The following WDPCP variants were observed in gnomAD, a reference collection of about 807,000 sequenced individuals.
WDPCP encodes the protein WD repeat containing planar cell polarity effector, also known as WD repeat-containing and planar cell polarity effector protein fritz homolog.
A neutral mutation model predicts 93.1 loss-of-function variants in WDPCP; 71 were observed. The observed-to-expected ratio is 0.76, with a 90% confidence interval of 0.63 to 0.93. WDPCP has a LOEUF of 0.93. WDPCP is among the 40% of genes least tolerant of loss of function. The pLI, the probability that WDPCP is intolerant of heterozygous loss-of-function variation, is 0.00. For synonymous variants in WDPCP, 315 were observed against 315.0 expected, an observed-to-expected ratio of 1.00 and a Z score of 0.00; for missense variants, 844 against 887.4, an observed-to-expected ratio of 0.95 and a Z score of 0.62.
At chr2:63,516,652 T>C (rs1001703860) in intron 1 of WDPCP, among the ~76,000 whole-genome samples, 25 of 150,456 alleles carry the variant, frequency 1.7e-4, no homozygotes, top group African/African-American at 5.9e-4. Context: ...TGGATGGAAA[T>C]CCACCAGCTC....
intron 14 of WDPCP, among the ~76,000 whole-genome samples, chr2:63,186,778 T>C (rs1674667599): frequency 6.6e-6 from 1 of 151,804 alleles, no homozygotes; most frequent in African/African-American, 2.4e-5. Flanking sequence ...AAAAGAGCAC[T>C]ATATGACTGT....
intron 1 of WDPCP, among the ~76,000 whole-genome samples, chr2:63,569,793 G>C (rs1401495900): frequency 1.3e-5 from 2 of 152,012 alleles, no homozygotes; most frequent in Non-Finnish European, 2.9e-5. Flanking sequence ...TGGTAGATGG[G>C]GCTAGCAAGC....
chr2:63,480,342 C>T (rs1339068717), intron 6 of WDPCP, among the ~76,000 whole-genome samples: 1 of 151,828 alleles, frequency 6.6e-6, no homozygotes, highest in Non-Finnish European at 1.5e-5. Flanking sequence ...ATGTAATTCC[C>T]ATCAAATACC....
chr2:63,431,207 A>T (rs1284847053), intron 9 of WDPCP, among the ~76,000 whole-genome samples: 3 of 152,018 alleles, frequency 2.0e-5, no homozygotes, highest in Non-Finnish European at 4.4e-5. Flanking sequence ...TTGGATGCCC[A>T]CGAAAATCGC....
At chr2:63,685,899 T>C (rs948404266) in intron 2 of WDPCP, among the ~76,000 whole-genome samples, 5 of 152,164 alleles carry the variant, frequency 3.3e-5, no homozygotes, top group Non-Finnish European at 5.9e-5. Context: ...TTTGATACAA[T>C]TCAACATAAC....
intron 15 of WDPCP, among the ~76,000 whole-genome samples, chr2:63,164,163 T>A (rs1427523859): frequency 6.6e-6 from 1 of 152,210 alleles, no homozygotes; most frequent in Non-Finnish European, 1.5e-5. Context: ...ACCAGAGAAG[T>A]TGACTTATTT....
chr2:63,439,979 A>T (rs1426592131), intron 6 of WDPCP, 108 bp from the exon 7 acceptor site: 2 of 761,186 alleles, frequency 2.6e-6, no homozygotes, highest in East Asian at 5.2e-5. Context: ...TTACACATGC[A>T]TCTACACTAC....
At chr2:63,608,620 G>A (rs986733458) in intron 3 of WDPCP, among the ~76,000 whole-genome samples, 1 of 151,846 alleles carries the variant, frequency 6.6e-6, no homozygotes, top group Non-Finnish European at 1.5e-5. Flanking sequence ...GCTAGCCTGG[G>A]CAACAAAACA....
intron 1 of WDPCP, among the ~76,000 whole-genome samples, chr2:63,561,011 C>G (rs1706571893): frequency 6.6e-6 from 1 of 152,152 alleles, no homozygotes; most frequent in South Asian, 2.1e-4. Context: ...AACTGGCTAG[C>G]CATATGCAGA....
chr2:63,330,454 G>A (rs979311649), intron 12 of WDPCP, among the ~76,000 whole-genome samples: 2 of 152,140 alleles, frequency 1.3e-5, no homozygotes, highest in African/African-American at 4.8e-5. Flanking sequence ...AGTTGTATGA[G>A]TTCCTTATAT....
chr2:63,706,275 GGA>G (rs1403874879), intron 2 of WDPCP, among the ~76,000 whole-genome samples: 2 of 152,096 alleles, frequency 1.3e-5, no homozygotes, highest in African/African-American at 4.8e-5. Context: ...CCTTTTAATT[GGA>G]GCATTTAGCC....
intron 14 of WDPCP, among the ~76,000 whole-genome samples, chr2:63,222,004 G>A (rs1432478713): frequency 1.3e-5 from 2 of 152,130 alleles, no homozygotes; most frequent in Admixed American, 1.3e-4. Context: ...TAGTTGGAGA[G>A]AACATTACTT....
intron 2 of WDPCP, among the ~76,000 whole-genome samples, chr2:63,677,660 C>A (rs935076579): frequency 6.6e-6 from 1 of 152,084 alleles, no homozygotes; most frequent in African/African-American, 2.4e-5. Context: ...GTGATATCTT[C>A]AAAATGCTAA....
chr2:63,274,167 A>T (rs1031640987), intron 13 of WDPCP, among the ~76,000 whole-genome samples: 1 of 152,224 alleles, frequency 6.6e-6, no homozygotes, highest in Admixed American at 6.5e-5. Flanking sequence ...CCACAAAGGA[A>T]GAAAAGTAGA....
intron 14 of WDPCP, among the ~76,000 whole-genome samples, chr2:63,257,692 G>A (rs554059099): frequency 8.8e-4 from 134 of 152,274 alleles, no homozygotes; most frequent in African/African-American, 3.0e-3. Context: ...GGAATTATCC[G>A]CTGGCCACAG....
chr2:63,589,363 G>A (rs1399304990), upstream of WDPCP: 1 of 1,550,606 alleles, frequency 6.4e-7, no homozygotes, highest in South Asian at 1.2e-5. Context: ...AGGACGTTAC[G>A]GTGTTTGATA....
intron 6 of WDPCP, among the ~76,000 whole-genome samples, chr2:63,454,406 G>C (rs752521180): frequency 6.6e-6 from 1 of 151,766 alleles, no homozygotes; most frequent in Non-Finnish European, 1.5e-5. Context: ...TAATATACAT[G>C]ATGAGTTGAT....
chr2:63,752,850 C>T (rs1442939692), intron 2 of WDPCP, among the ~76,000 whole-genome samples: 1 of 151,958 alleles, frequency 6.6e-6, no homozygotes, highest in African/African-American at 2.4e-5. Context: ...CCACCACCAG[C>T]CCAGTTAATT....
chr2:63,212,664 C>A (rs1298307352), intron 14 of WDPCP, among the ~76,000 whole-genome samples: 1 of 152,022 alleles, frequency 6.6e-6, no homozygotes, highest in Non-Finnish European at 1.5e-5. Context: ...TTAAAAGACA[C>A]AGACTGGCAA....
Sources: gnomAD v4.1 joint callset for allele counts (sites outside exome capture counted in the v4.1 genomes callset) on GRCh38, gnomAD v4.1.1 for gene constraint, MANE v1.5 for transcripts, NCBI Gene and HGNC (gene_info 2026-07-23, HGNC 2026-07-21) for gene names.